The following MAP7 variants were observed in gnomAD, a reference collection of about 807,000 sequenced individuals.
MAP7 encodes the protein ensconsin.
MAP7 carries 52 observed loss-of-function variants against 94.8 expected under a neutral mutation model. The observed-to-expected ratio is 0.55, with a 90% CI of 0.44 to 0.69. The LOEUF (loss-of-function observed/expected upper bound fraction) is 0.69. Ranked by LOEUF, MAP7 falls within the 30% of genes least tolerant of loss-of-function variation. MAP7 has a pLI of 0.00. For missense variants in MAP7, 940 were observed against 964.6 expected (o/e 0.97, Z 0.34); for synonymous variants, 350 against 357.0 (o/e 0.98, Z 0.22).
At chr6:136,406,905 T>C (rs1388508990) in intron 3 of MAP7, among the ~76,000 whole-genome samples, 2 of 152,224 alleles carry the variant, frequency 1.3e-5, no homozygotes, top group Admixed American at 1.3e-4. Flanking sequence ...CGATTCCATT[T>C]TTCTGAGATC....
chr6:136,402,814 G>A (rs969109756), intron 3 of MAP7, among the ~76,000 whole-genome samples: 4 of 148,000 alleles, frequency 2.7e-5, no homozygotes, highest in Non-Finnish European at 4.5e-5. Flanking sequence ...GCTGAGGCAG[G>A]AGAATGGCGT....
chr6:136,519,420 C>G (rs934039399), intron 1 of MAP7, among the ~76,000 whole-genome samples: 1 of 152,042 alleles, frequency 6.6e-6, no homozygotes, highest in South Asian at 2.1e-4. Context: ...CCTTACAGAA[C>G]AAAAGAGAAA....
intron 1 of MAP7, among the ~76,000 whole-genome samples, chr6:136,518,474 C>A (rs976970234): frequency 2.6e-5 from 4 of 152,214 alleles, no homozygotes; most frequent in Admixed American, 2.6e-4. Context: ...CTGTGACACA[C>A]TTTGGGCCTC....
At chr6:136,543,027 TAG>T (rs1829451968) in intron 1 of MAP7, among the ~76,000 whole-genome samples, 1 of 152,218 alleles carries the variant, frequency 6.6e-6, no homozygotes, top group Non-Finnish European at 1.5e-5. Flanking sequence ...TGTAAAACCG[TAG>T]AGTTGCTCTG....
chr6:136,535,159 T>C (rs907682104), intron 1 of MAP7, among the ~76,000 whole-genome samples: 32 of 152,250 alleles, frequency 2.1e-4, no homozygotes, highest in African/African-American at 7.7e-4. Flanking sequence ...CCTCCATGAA[T>C]AGTTTAGCTC....
intron 3 of MAP7, among the ~76,000 whole-genome samples, chr6:136,392,072 A>G (rs1375579913): frequency 1.3e-5 from 2 of 152,136 alleles, no homozygotes; most frequent in Admixed American, 1.3e-4. Flanking sequence ...AAGTACACTT[A>G]CTGCTCTGCA....
chr6:136,509,216 A>G (rs1822505543), intron 1 of MAP7, among the ~76,000 whole-genome samples: 1 of 152,236 alleles, frequency 6.6e-6, no homozygotes. Flanking sequence ...CTCAGGATTT[A>G]GTGAAATCCA....
chr6:136,374,392 GA>G (rs1416970215), intron 7 of MAP7, among the ~76,000 whole-genome samples: 1 of 152,176 alleles, frequency 6.6e-6, no homozygotes, highest in African/African-American at 2.4e-5. Flanking sequence ...ATGCATTTAA[GA>G]AATAACATCC....
chr6:136,356,831 A>T, intron 15 of MAP7, 37 bp from the exon 16 acceptor site: 1 of 1,536,414 alleles, frequency 6.5e-7, no homozygotes. Context: ...CAGGGTTACT[A>T]ATATTCTTTT....
intron 16 of MAP7, 48 bp from the exon 17 acceptor site, chr6:136,346,127 G>A: frequency 3.4e-6 from 4 of 1,180,792 alleles, no homozygotes; most frequent in South Asian, 1.4e-5. Flanking sequence ...TCTTAAAACT[G>A]GAAAACACAT....
chr6:136,348,866 C>T (rs973269257), intron 16 of MAP7, among the ~76,000 whole-genome samples: 3 of 152,064 alleles, frequency 2.0e-5, no homozygotes, highest in African/African-American at 4.8e-5. Flanking sequence ...AAAAAAAAGA[C>T]GAACATTCTA....
At chr6:136,415,383 AT>A (rs1789046850) in intron 2 of MAP7, among the ~76,000 whole-genome samples, 1 of 152,238 alleles carries the variant, frequency 6.6e-6, no homozygotes, top group Non-Finnish European at 1.5e-5. Context: ...GTTAGACAAT[AT>A]TTCAATTAAG....
intron 1 of MAP7, among the ~76,000 whole-genome samples, chr6:136,472,851 AAAT>A (rs1809505738): frequency 2.0e-5 from 3 of 152,090 alleles, no homozygotes; most frequent in African/African-American, 7.2e-5. Flanking sequence ...AAATAAATAA[AAAT>A]AAAAAAATTA....
chr6:136,403,271 C>A (rs923000246), intron 3 of MAP7, among the ~76,000 whole-genome samples: 7 of 152,222 alleles, frequency 4.6e-5, no homozygotes, highest in Non-Finnish European at 1.0e-4. Context: ...TTATCACCGT[C>A]ATCATCATGG....
intron 1 of MAP7, among the ~76,000 whole-genome samples, chr6:136,495,645 T>C (rs1817991583): frequency 6.6e-6 from 1 of 152,222 alleles, no homozygotes; most frequent in Admixed American, 6.5e-5. Flanking sequence ...ATAAGTTTTT[T>C]TAAAAAATGT....
At chr6:136,414,312 A>T (rs991408420) in intron 2 of MAP7, among the ~76,000 whole-genome samples, 3 of 144,626 alleles carry the variant, frequency 2.1e-5, no homozygotes, top group Admixed American at 7.0e-5. Context: ...TCAATAGCCC[A>T]CAATGATAAA....
Position 136,510,887 on chromosome 6 carries a change from G to A in MAP7, c.67+39455C>T, listed in dbSNP as rs761836821. 3.9e-5 allele frequency among the ~76,000 whole-genome samples: 6 copies of A among 152,132 alleles called. No individual in the cohort carries two copies. The East Asian group carries it at 5.8e-4, about 15-fold the overall frequency. On this transcript the variant is annotated intron_variant, in intron 1 of 17. Transcript: ENST00000354570. ...AGAAGGACAAGCGGAAGACTACTGC[G>A]TATGGAAACATCTAGCATAGGGTAG...
intron 1 of MAP7, among the ~76,000 whole-genome samples, chr6:136,485,724 G>A (rs1814496734): frequency 6.6e-6 from 1 of 151,362 alleles, no homozygotes; most frequent in South Asian, 2.1e-4. Flanking sequence ...CACTACGCCC[G>A]GCTAATTTTT....
At chr6:136,411,971 T>C (rs1237050975) in intron 2 of MAP7, among the ~76,000 whole-genome samples, 2 of 152,230 alleles carry the variant, frequency 1.3e-5, no homozygotes, top group Non-Finnish European at 2.9e-5. Flanking sequence ...ATATAAATGA[T>C]GTTTTGTGTT....
Sources: allele counts gnomAD v4.1 joint callset (sites outside exome capture counted in the v4.1 genomes callset), GRCh38; gene constraint gnomAD v4.1.1; transcripts MANE v1.5; gene names NCBI Gene and HGNC (gene_info 2026-07-23, HGNC 2026-07-21).